Variants in MCC observed in about 807,000 individuals in gnomAD.
MCC encodes the protein MCC regulator of Wnt signaling pathway.
In MCC, 90 loss-of-function variants were observed where a neutral mutation model predicts 116.2. The ratio of observed to expected loss-of-function variants is 0.77; its 90% CI spans 0.65 to 0.92. MCC has a LOEUF of 0.92. MCC is among the 40% of genes least tolerant of loss of function. The probability of loss-of-function intolerance (pLI) is 0.00; values close to 1 mark genes in which losing one functional copy is unlikely to be tolerated. For missense variants in MCC, 1,516 were observed against 1,312.2 expected, an observed-to-expected ratio of 1.16 and a Z score of -2.40; for synonymous variants, 578 against 510.5, an observed-to-expected ratio of 1.13 and a Z score of -1.78.
At chr5:113,316,135 A>G (rs529740792) in intron 3 of MCC, among the ~76,000 whole-genome samples, 1 of 152,116 alleles carries the variant, frequency 6.6e-6, no homozygotes, top group African/African-American at 2.4e-5. Flanking sequence ...ACACGCCTGT[A>G]ATCCCAGCTA....
chr5:113,138,465 C>T (rs549407089), intron 5 of MCC, among the ~76,000 whole-genome samples: 57 of 152,180 alleles, frequency 3.7e-4, no homozygotes, highest in Non-Finnish European at 5.1e-4. Context: ...AGAGAGCTTG[C>T]TTCCTCTTTC....
chr5:113,131,589 TG>T lies in MCC; in HGVS notation c.885-8764del, dbSNP rs201467723. ...TAACTTAGTTCCATGCCTGCAAAAT[TG>T]CTGAAAGGGCTGCAGAAAAGAGAGG... On this transcript the variant is annotated intron_variant, in intron 5 of 18. Transcript: ENST00000408903. Among the ~76,000 whole-genome samples, 153 of 152,244 alleles carry T rather than the reference TG, an allele frequency of 1.0e-3. 2 individuals are homozygous for T. The East Asian group carries it at 0.027, about 27-fold the overall frequency.
chr5:113,133,030 G>A (rs773220250), intron 5 of MCC, among the ~76,000 whole-genome samples: 4 of 151,822 alleles, frequency 2.6e-5, no homozygotes, highest in Non-Finnish European at 5.9e-5. Flanking sequence ...TACTGATACC[G>A]GATAGATACG....
chr5:113,276,836 A>T (rs1412523989), intron 3 of MCC, among the ~76,000 whole-genome samples: 5 of 143,250 alleles, frequency 3.5e-5, no homozygotes, highest in Non-Finnish European at 7.5e-5. Context: ...AGATGGTCTC[A>T]CGGTGTTACC....
rs557637826 is a variant in MCC at position 113,025,549 on chromosome 5, C to G, written c.*1753G>C. On this transcript the variant is annotated 3_prime_UTR_variant, in exon 19 of 19. Coordinates refer to ENST00000408903, the MANE Select transcript of MCC (RefSeq NM_001085377.2). The stretch of plus-strand genomic sequence containing the variant: ...GGCAGAGGTTGCAGTGAGCCAAGAT[C>G]ACGCCACTGCACTTCAGCCTGGTGA... The G allele has an allele frequency of 6.8e-6, 1 of 147,320 alleles. No individual in the cohort carries two copies. Among genetic ancestry groups the G allele is most frequent in the Admixed American group, 6.8e-5 (1 of 14,772 alleles). The allele number at this position is 147,320 out of a possible 1,614,324, so 9.1% of individuals were successfully genotyped here.
rs377355027 is a variant in MCC, at chr5:113,473,353, A to G, written c.170+14892T>C. ...AGCCTGGGAAACACAGTAAGACCCCATCTCTAGAAAAAATGTTTAAATTAG... is the reference window on the plus strand; with the variant it reads ...AGCCTGGGAAACACAGTAAGACCCCGTCTCTAGAAAAAATGTTTAAATTAG... On this transcript the variant is annotated intron_variant, in intron 1 of 18. Coordinates refer to ENST00000408903, the MANE Select transcript of MCC (RefSeq NM_001085377.2). 1.8e-4 allele frequency among the ~76,000 whole-genome samples: 27 copies of G among 152,128 alleles called. 4 individuals carry two copies. The highest frequency in any genetic ancestry group is 7.2e-4 in the Admixed American group (11 of 15,282).
At chr5:113,447,299 C>A (rs1771251900) in intron 1 of MCC, among the ~76,000 whole-genome samples, 1 of 152,138 alleles carries the variant, frequency 6.6e-6, no homozygotes, top group Non-Finnish European at 1.5e-5. Context: ...GGTGGTCTCA[C>A]ATTTAGTTGA....
intron 8 of MCC, among the ~76,000 whole-genome samples, chr5:113,088,015 T>C (rs1448918076): frequency 6.6e-6 from 1 of 152,258 alleles, no homozygotes; most frequent in South Asian, 2.1e-4. Flanking sequence ...GCTGTGTATG[T>C]GCACACATGT....
At chr5:113,091,631 C>T (rs1051908102) in intron 8 of MCC, among the ~76,000 whole-genome samples, 2 of 152,014 alleles carry the variant, frequency 1.3e-5, no homozygotes, top group South Asian at 4.2e-4. Context: ...GTGGTAATCC[C>T]AACACTTTGG....
intron 11 of MCC, among the ~76,000 whole-genome samples, chr5:113,081,423 C>G (rs1409655887): frequency 1.3e-5 from 2 of 152,188 alleles, no homozygotes; most frequent in African/African-American, 4.8e-5. Context: ...AGCTGTTAAA[C>G]ACCATAATAA....
intron 6 of MCC, among the ~76,000 whole-genome samples, chr5:113,115,057 T>C (rs538755026): frequency 2.7e-5 from 4 of 150,904 alleles, no homozygotes; most frequent in Admixed American, 6.6e-5. Flanking sequence ...AAAAGAGCAC[T>C]GTAACACATG....
rs114078871 is a variant in MCC at position 113,159,733 on chromosome 5, C to T, written c.628-8311G>A. The stretch of plus-strand genomic sequence containing the variant: ...CCTGGCAAAAGGGTAGTGTTCCCTG[C>T]TAGATGGATACCATCAGGCCTGTTC... On this transcript the variant is annotated intron_variant, in intron 3 of 18. Coordinates refer to ENST00000408903, the MANE Select transcript of MCC (RefSeq NM_001085377.2). Among the ~76,000 whole-genome samples, 839 of 152,292 alleles carry T rather than the reference C, an allele frequency of 5.5e-3. 7 individuals carry two copies. Among genetic ancestry groups the T allele is most frequent in the African/African-American group, 0.019 (809 of 41,548 alleles).
At chr5:113,067,978 T>C in intron 13 of MCC, 102 bp downstream of exon 13, 1 of 995,008 alleles carries the variant, frequency 1.0e-6, no homozygotes, top group Non-Finnish European at 1.6e-6. Flanking sequence ...CAACCAAATT[T>C]TGTGTTGTCG....
At chr5:113,181,944 G>C (rs190735587) in intron 3 of MCC, among the ~76,000 whole-genome samples, 4 of 152,212 alleles carry the variant, frequency 2.6e-5, no homozygotes, top group African/African-American at 7.2e-5. Flanking sequence ...TCCCTATCAG[G>C]TGCATTATCT....
intron 1 of MCC, among the ~76,000 whole-genome samples, chr5:113,486,512 G>A (rs961362199): frequency 3.0e-4 from 45 of 152,202 alleles, no homozygotes; most frequent in African/African-American, 1.1e-3. Flanking sequence ...CACGCTGCTA[G>A]TTTTCTGTAT....
Position 113,101,934 on chromosome 5 carries a change from C to T in MCC, c.1203G>A (p.Glu401=). 6.2e-7 allele frequency: 1 copy of T among 1,613,802 alleles called. No individual in the cohort carries two copies. Among genetic ancestry groups the T allele is most frequent in the Non-Finnish European group, 8.5e-7 (1 of 1,180,008 alleles). Residue 401 remains glutamate, a synonymous_variant, in exon 8 of 19, where the codon GAG becomes GAA. Coordinates refer to ENST00000408903, the MANE Select transcript of MCC (RefSeq NM_001085377.2). ...GGTCCCGGCCAAGCACCCCCTCAAT[C>T]TCCTCGACTGTCTGTAAAACACAGC... The part of the protein sequence containing the change: ...HCDLAIKTVE[E]IEGVLGRDLY...
intron 3 of MCC, among the ~76,000 whole-genome samples, chr5:113,190,002 C>A (rs1306622607): frequency 6.6e-6 from 1 of 152,208 alleles, no homozygotes; most frequent in African/African-American, 2.4e-5. Flanking sequence ...GGGCCTGTGT[C>A]CGCCTGAAGT....
intron 3 of MCC, among the ~76,000 whole-genome samples, chr5:113,170,950 A>G (rs999980289): frequency 6.6e-6 from 1 of 152,126 alleles, no homozygotes; most frequent in Admixed American, 6.5e-5. Context: ...TGCATCCAGA[A>G]CTGAGACTCT....
chr5:113,113,254 C>T (rs184002358), intron 6 of MCC, among the ~76,000 whole-genome samples: 487 of 152,320 alleles, frequency 3.2e-3, no homozygotes, highest in Middle Eastern at 0.014. Context: ...GTTCAGATCT[C>T]GTTGTAGCTC....
Sources: gnomAD v4.1 joint callset for allele counts (sites outside exome capture counted in the v4.1 genomes callset) on GRCh38, gnomAD v4.1.1 for gene constraint, MANE v1.5 for transcripts, NCBI Gene and HGNC (gene_info 2026-07-23, HGNC 2026-07-21) for gene names.